The following MTFR1 variants were observed in gnomAD, a reference collection of about 807,000 sequenced individuals.
MTFR1 encodes chondrocyte protein with a poly-proline region.
Under a neutral mutation model 38.8 loss-of-function variants are expected in MTFR1, and 28 were observed. That is an observed-to-expected ratio of 0.72 (90% CI 0.53 to 0.99). The LOEUF (loss-of-function observed/expected upper bound fraction) is 0.99, where lower values mean the gene tolerates loss of function less well. Among genes scored for constraint, MTFR1 ranks in the 50% least tolerant of loss-of-function variants. The pLI is 0.00. For synonymous variants in MTFR1, 145 were observed against 137.0 expected (o/e 1.06, Z -0.41); for missense variants, 358 against 395.5 (o/e 0.91, Z 0.81).
chr8:65,702,675 A>T (rs558666393), intron 4 of MTFR1, among the ~76,000 whole-genome samples: 1 of 152,264 alleles, frequency 6.6e-6, no homozygotes, highest in Non-Finnish European at 1.5e-5. Context: ...AACTAAAAAG[A>T]TGAGGGAGGG....
chr8:65,772,244 A>G (rs1026576281), downstream of MTFR1, among the ~76,000 whole-genome samples: 11 of 152,228 alleles, frequency 7.2e-5, no homozygotes, highest in Middle Eastern at 3.2e-3. Flanking sequence ...TTTAATACAC[A>G]TATCCAGAAT....
downstream of MTFR1, among the ~76,000 whole-genome samples, chr8:65,773,987 C>T (rs1341870274): frequency 6.6e-6 from 1 of 152,198 alleles, no homozygotes; most frequent in East Asian, 1.9e-4. Context: ...TCCTTACCCA[C>T]AGCCAATCCT....
rs901164548 is a variant in MTFR1 at position 65,739,119 on chromosome 8, T to C, written c.*48+19638T>C. Among the ~76,000 whole-genome samples the C allele has an allele frequency of 3.2e-4, 49 of 152,262 alleles. 1 individual carries two copies. Among genetic ancestry groups the C allele is most frequent in the Admixed American group, 2.6e-3 (40 of 15,278 alleles). Reference sequence around the variant, plus strand: ...CTACTGTTTGAACCAGCTCGGCTAATTGTAAAATAAATAATTCTTTTTTGT... The same window carrying C: ...CTACTGTTTGAACCAGCTCGGCTAACTGTAAAATAAATAATTCTTTTTTGT... On this transcript the variant is annotated intron_variant, in intron 3 of 3. Coordinates refer to the MTFR1 transcript ENST00000521247.
chr8:65,726,870 C>A (rs750082427), intron 3 of MTFR1: 1 of 1,519,182 alleles, frequency 6.6e-7, no homozygotes, highest in East Asian at 2.3e-5. Context: ...CTTAATCCAA[C>A]CTACCTGCTT....
chr8:65,657,646 G>A (rs1809304467), intron 1 of MTFR1, among the ~76,000 whole-genome samples: 1 of 151,836 alleles, frequency 6.6e-6, no homozygotes, highest in South Asian at 2.1e-4. Context: ...TTGAGGCTGT[G>A]GTGAGCAATG....
At chr8:65,698,473 C>T (rs934630362) in intron 4 of MTFR1, among the ~76,000 whole-genome samples, 4 of 151,978 alleles carry the variant, frequency 2.6e-5, no homozygotes, top group Non-Finnish European at 4.4e-5. Context: ...TTAATTTTTT[C>T]ATACAGGTTG....
downstream of MTFR1, chr8:65,714,732 A>G (rs1306774067): frequency 6.6e-6 from 1 of 152,198 alleles, no homozygotes; most frequent in Non-Finnish European, 1.5e-5. Flanking sequence ...GCTTGAAAAC[A>G]CTGGAAATAC....
At chr8:65,770,439 G>A (rs966206695) in intron 3 of MTFR1, among the ~76,000 whole-genome samples, 4 of 152,146 alleles carry the variant, frequency 2.6e-5, no homozygotes, top group African/African-American at 7.2e-5. Flanking sequence ...ATCAGATTTC[G>A]TGAGACTTAT....
chr8:65,737,683 T>C (rs1332054666), intron 3 of MTFR1, among the ~76,000 whole-genome samples: 1 of 152,046 alleles, frequency 6.6e-6, no homozygotes, highest in African/African-American at 2.4e-5. Context: ...CACACCCGAC[T>C]AATTTTTGTA....
intron 2 of MTFR1, among the ~76,000 whole-genome samples, chr8:65,678,340 G>A (rs1804776050): frequency 6.6e-6 from 1 of 152,104 alleles, no homozygotes; most frequent in African/African-American, 2.4e-5. Flanking sequence ...AGAGTTCCTG[G>A]AAATTAGCTA....
At chr8:65,653,927 T>C (rs1250388348) in intron 1 of MTFR1, among the ~76,000 whole-genome samples, 2 of 151,888 alleles carry the variant, frequency 1.3e-5, no homozygotes, top group Non-Finnish European at 2.9e-5. Flanking sequence ...TAGCTGGATG[T>C]GATGATATGC....
chr8:65,678,891 T>A (rs1398025562), intron 2 of MTFR1, among the ~76,000 whole-genome samples: 2 of 151,624 alleles, frequency 1.3e-5, no homozygotes, highest in Non-Finnish European at 2.9e-5. Flanking sequence ...TCTAAAAAAA[T>A]TTAAAAAAAA....
At chr8:65,666,952 T>C (rs1332620855) in intron 1 of MTFR1, among the ~76,000 whole-genome samples, 1 of 152,160 alleles carries the variant, frequency 6.6e-6, no homozygotes, top group Non-Finnish European at 1.5e-5. Flanking sequence ...ATTATACTTA[T>C]AAAGGTAAGT....
intron 3 of MTFR1, chr8:65,739,667 T>TA: frequency 7.7e-7 from 1 of 1,302,242 alleles, no homozygotes; most frequent in Non-Finnish European, 9.9e-7. Flanking sequence ...TGCTTTGAAA[T>TA]ACAGATTTTG....
chr8:65,732,924 G>A (rs569657207), intron 3 of MTFR1, among the ~76,000 whole-genome samples: 1 of 151,892 alleles, frequency 6.6e-6, no homozygotes, highest in African/African-American at 2.4e-5. Flanking sequence ...TGACCAGGCT[G>A]GTCTCAAACT....
intron 3 of MTFR1, chr8:65,745,483 C>T: frequency 1.4e-6 from 2 of 1,434,250 alleles, no homozygotes; most frequent in African/African-American, 1.4e-5. Flanking sequence ...GAAATGAAAA[C>T]CAAACATTTC....
At chr8:65,696,155 G>C (rs1282431416) in intron 4 of MTFR1, among the ~76,000 whole-genome samples, 1 of 152,092 alleles carries the variant, frequency 6.6e-6, no homozygotes, top group Non-Finnish European at 1.5e-5. Flanking sequence ...TTCAGCAAGA[G>C]TAATTTCATT....
chr8:65,680,899 C>CTTTTTTTT (rs1199113408), intron 2 of MTFR1, among the ~76,000 whole-genome samples: 4 of 93,630 alleles, frequency 4.3e-5, no homozygotes, highest in East Asian at 3.6e-4. Context: ...AAGCAGTTCT[C>CTTTTTTTT]TTTTTTTTTT....
chr8:65,718,945 G>C, intron 2 of MTFR1: 1 of 302,968 alleles, frequency 3.3e-6, no homozygotes. Flanking sequence ...CCAAGAGATT[G>C]TTGCTGAACA....
Sources: gnomAD v4.1 joint callset for allele counts (sites outside exome capture counted in the v4.1 genomes callset) on GRCh38, gnomAD v4.1.1 for gene constraint, MANE v1.5 for transcripts, NCBI Gene and HGNC (gene_info 2026-07-23, HGNC 2026-07-21) for gene names.